KREMEN1: variants seen among roughly 807,000 people sequenced by gnomAD.
The protein encoded by KREMEN1 is kringle containing transmembrane protein 1, also known as kremen protein 1.
Under a neutral mutation model 46.5 loss-of-function variants are expected in KREMEN1, and 30 were observed. That is an observed-to-expected ratio of 0.65 (90% CI 0.48 to 0.88). The LOEUF (loss-of-function observed/expected upper bound fraction) is 0.88. Among genes scored for constraint, KREMEN1 ranks in the 40% least tolerant of loss-of-function variants. KREMEN1 has a pLI of 0.00. For synonymous variants in KREMEN1, 214 were observed against 230.6 expected, an observed-to-expected ratio of 0.93 and a Z score of 0.65; for missense variants, 533 against 596.9, an observed-to-expected ratio of 0.89 and a Z score of 1.11.
At chr22:29,139,126 T>G (rs1361432966) in intron 7 of KREMEN1, among the ~76,000 whole-genome samples, 1 of 152,220 alleles carries the variant, frequency 6.6e-6, no homozygotes, top group Non-Finnish European at 1.5e-5. Flanking sequence ...AGAACTCCAT[T>G]CATTCACTCA....
chr22:29,079,757 C>T (rs1401590408), intron 1 of KREMEN1, among the ~76,000 whole-genome samples: 1 of 152,194 alleles, frequency 6.6e-6, no homozygotes, highest in East Asian at 1.9e-4. Context: ...TTTCTTCACA[C>T]CTTCCAAACA....
At chr22:29,121,787 C>A (rs1003365320) in intron 4 of KREMEN1, among the ~76,000 whole-genome samples, 1 of 152,082 alleles carries the variant, frequency 6.6e-6, no homozygotes, top group Admixed American at 6.6e-5. Flanking sequence ...GTGACTATAC[C>A]AATAACCACT....
chr22:29,133,224 G>T (rs1201078179), intron 5 of KREMEN1, among the ~76,000 whole-genome samples: 1 of 147,254 alleles, frequency 6.8e-6, no homozygotes, highest in Non-Finnish European at 1.5e-5. Flanking sequence ...CTCCAGCCTG[G>T]GCAACAGAGC....
At chr22:29,079,490 C>T (rs1204823268) in intron 1 of KREMEN1, among the ~76,000 whole-genome samples, 1 of 152,224 alleles carries the variant, frequency 6.6e-6, no homozygotes, top group African/African-American at 2.4e-5. Flanking sequence ...GTTCAATTTG[C>T]CACAAGGGCG....
At chr22:29,079,725 G>A (rs1254283458) in intron 1 of KREMEN1, among the ~76,000 whole-genome samples, 4 of 152,208 alleles carry the variant, frequency 2.6e-5, no homozygotes, top group Non-Finnish European at 4.4e-5. Context: ...AGCTATCAGC[G>A]TGTATGATTG....
intron 3 of KREMEN1, among the ~76,000 whole-genome samples, chr22:29,110,401 AGTG>A (rs2038129290): frequency 6.6e-6 from 1 of 152,236 alleles, no homozygotes; most frequent in Admixed American, 6.5e-5. Flanking sequence ...CGATTTAAGA[AGTG>A]GGGAAATCTA....
intron 3 of KREMEN1, among the ~76,000 whole-genome samples, chr22:29,105,053 T>C (rs2038033636): frequency 1.3e-5 from 2 of 152,168 alleles, no homozygotes. Context: ...ATCCTCAGTC[T>C]GGGACAGAAG....
intron 5 of KREMEN1, among the ~76,000 whole-genome samples, chr22:29,131,554 A>ATGTGTG (rs1459937525): frequency 2.7e-5 from 2 of 73,224 alleles, no homozygotes; most frequent in Admixed American, 1.5e-4. Context: ...ATATATATAT[A>ATGTGTG]TATATATGTG....
intron 2 of KREMEN1, among the ~76,000 whole-genome samples, chr22:29,097,139 A>G (rs1240323566): frequency 6.6e-6 from 1 of 152,256 alleles, no homozygotes; most frequent in East Asian, 1.9e-4. Flanking sequence ...CTGGCCTGAT[A>G]GGGGTTGCTC....
intron 1 of KREMEN1, among the ~76,000 whole-genome samples, chr22:29,084,167 G>A (rs1410178818): frequency 6.6e-6 from 1 of 152,114 alleles, no homozygotes; most frequent in Non-Finnish European, 1.5e-5. Flanking sequence ...TAATTAGTGT[G>A]TAATGAGCTG....
chr22:29,137,693 C>T lies in KREMEN1; in HGVS notation c.964+19C>T, dbSNP rs1473770603. ...TACCAAGGTAAGACATCTTTGCCTC[C>T]TTGGGGGTTCTTCAGGGCCCACGTG... On this transcript the variant is annotated intron_variant, in intron 6 of 8. Transcript: ENST00000400335. The T allele has an allele frequency of 6.4e-7, 1 of 1,560,516 alleles. No individual in the cohort carries two copies. The highest frequency in any genetic ancestry group is 2.3e-5 in the East Asian group (1 of 43,802).
At position 29,142,354 on chromosome 22, in the gene KREMEN1, C is replaced by T; in HGVS notation, c.*242C>T. 1 of 1,203,620 alleles carries T rather than the reference C, an allele frequency of 8.3e-7. No homozygotes were observed. Among genetic ancestry groups the T allele is most frequent in the Non-Finnish European group, 1.0e-6 (1 of 969,104 alleles). The allele number at this position is 1,203,620 out of a possible 1,614,324, so 74.6% of individuals were successfully genotyped here. A position where few individuals can be genotyped will look rare whatever the true frequency, so the allele number is the denominator to read the frequency against. The stretch of plus-strand genomic sequence containing the variant: ...AGAGACTCAAAGCCCTGGGGCCCGG[C>T]CCTCTCTGCATCTCTCTCTGATCTA... On this transcript the variant is annotated 3_prime_UTR_variant, in exon 9 of 9. Coordinates refer to ENST00000400335, the MANE Select transcript of KREMEN1 (RefSeq NM_001039570.3).
intron 9 of KREMEN1, among the ~76,000 whole-genome samples, chr22:29,164,904 G>A (rs1054358416): frequency 6.6e-6 from 1 of 151,998 alleles, no homozygotes; most frequent in Non-Finnish European, 1.5e-5. Flanking sequence ...GCCAGGCATG[G>A]TAGCTCAGGC....
Position 29,146,717 on chromosome 22 carries a change from T to C in KREMEN1, c.*4605T>C, listed in dbSNP as rs1446262093. 1 of 926,888 alleles carries C rather than the reference T, an allele frequency of 1.1e-6. No individual in the cohort carries two copies. The highest frequency in any genetic ancestry group is 1.8e-5 in the African/African-American group (1 of 55,904). 57.4% of individuals were successfully genotyped at this position (926,888 alleles called of 1,614,324 possible). On this transcript the variant is annotated 3_prime_UTR_variant, in exon 9 of 9. Coordinates refer to ENST00000400335, the MANE Select transcript of KREMEN1 (RefSeq NM_001039570.3). Reference sequence around the variant, plus strand: ...TACAATTTAATATATATTTTTAGGGTTTTGTTATTTAAGAAAATGGAATGT... The same window carrying C: ...TACAATTTAATATATATTTTTAGGGCTTTGTTATTTAAGAAAATGGAATGT...
At chr22:29,141,379 C>A (rs574374051) in intron 8 of KREMEN1, among the ~76,000 whole-genome samples, 3 of 152,168 alleles carry the variant, frequency 2.0e-5, no homozygotes, top group Non-Finnish European at 4.4e-5. Context: ...CTGACCACAT[C>A]CCCTGTGGCA....
intron 3 of KREMEN1, among the ~76,000 whole-genome samples, chr22:29,103,528 G>T (rs1364950579): frequency 6.6e-6 from 1 of 151,206 alleles, no homozygotes; most frequent in Non-Finnish European, 1.5e-5. Context: ...AACTGCTTTT[G>T]CCAGAATGTT....
intron 1 of KREMEN1, among the ~76,000 whole-genome samples, chr22:29,087,554 A>G (rs1042073282): frequency 1.3e-5 from 2 of 149,802 alleles, no homozygotes; most frequent in African/African-American, 2.5e-5. Flanking sequence ...TCCTACCACT[A>G]TCTTATACAT....
At chr22:29,101,018 G>A (rs528401564) in intron 3 of KREMEN1, among the ~76,000 whole-genome samples, 153 of 152,312 alleles carry the variant, frequency 1.0e-3, no homozygotes, top group Non-Finnish European at 1.8e-3. Flanking sequence ...TTGGGAGGCT[G>A]AAGCGGGCAG....
At chr22:29,100,061 T>C (rs2037950621) in intron 3 of KREMEN1, among the ~76,000 whole-genome samples, 1 of 151,368 alleles carries the variant, frequency 6.6e-6, no homozygotes, top group African/African-American at 2.4e-5. Context: ...TTCTTCCTTC[T>C]TTCTTCCCTT....
Sources: allele counts gnomAD v4.1 joint callset (sites outside exome capture counted in the v4.1 genomes callset), GRCh38; gene constraint gnomAD v4.1.1; transcripts MANE v1.5; gene names NCBI Gene and HGNC (gene_info 2026-07-23, HGNC 2026-07-21).